The following DERL2 variants were observed in gnomAD, a reference collection of about 807,000 sequenced individuals.
DERL2 encodes derlin 2, also known as derlin-2.
Under a neutral mutation model 32.0 loss-of-function variants are expected in DERL2, and 13 were observed. The ratio of observed to expected loss-of-function variants is 0.41; its 90% confidence interval spans 0.26 to 0.65. The LOEUF (loss-of-function observed/expected upper bound fraction) is 0.65. DERL2 is among the 30% of genes least tolerant of loss of function. DERL2 has a pLI of 0.35. For missense variants in DERL2, 208 were observed against 296.3 expected, an observed-to-expected ratio of 0.70 and a Z score of 2.19; for synonymous variants, 111 against 104.7, an observed-to-expected ratio of 1.06 and a Z score of -0.37.
At chr17:5,479,025 G>T (rs567613084) in intron 6 of DERL2, among the ~76,000 whole-genome samples, 1 of 152,230 alleles carries the variant, frequency 6.6e-6, no homozygotes, top group Admixed American at 6.5e-5. Flanking sequence ...TTGCCATGTT[G>T]CCCAGGCTGG....
intron 3 of DERL2, chr17:5,482,241 G>A (rs1298894976): frequency 1.3e-5 from 2 of 152,642 alleles, no homozygotes; most frequent in African/African-American, 4.8e-5. Context: ...GAGTTGAACT[G>A]TAACTCCCTC....
chr17:5,474,857 G>T lies in DERL2; in HGVS notation c.615-68C>A. On this transcript the variant is annotated intron_variant, in intron 6 of 6. Coordinates refer to ENST00000158771, the MANE Select transcript of DERL2 (RefSeq NM_016041.5). The surrounding 1 kb of genome is among the most constrained non-coding windows in gnomAD (Gnocchi z 4.3). ...TCAGGTCCAAAGTACTACAAGGTCA[G>T]TTCAGGCCCCATAGGGTTTCCACCA... 1 of 1,236,084 alleles carries T rather than the reference G, an allele frequency of 8.1e-7. No homozygotes were observed. The highest frequency in any genetic ancestry group is 1.2e-6 in the Non-Finnish European group (1 of 861,820). 76.6% of individuals were successfully genotyped at this position (1,236,084 alleles called of 1,614,324 possible). A position where few individuals can be genotyped will look rare whatever the true frequency, so the allele number is the denominator to read the frequency against.
Position 5,483,775 on chromosome 17 carries a change from A to G in DERL2, c.160-893T>C, listed in dbSNP as rs576826617. On this transcript the variant is annotated intron_variant, in intron 2 of 6. Coordinates refer to ENST00000158771, the MANE Select transcript of DERL2 (RefSeq NM_016041.5). ...CTAGAACTCCTAACTCCAAATGCAC[A>G]GTGTCATCAAGAGTTTAACCCCAGG... Among the ~76,000 whole-genome samples, 5 of 152,352 alleles carry G rather than the reference A, an allele frequency of 3.3e-5. No homozygotes were observed. The South Asian group carries it at 8.3e-4, about 25-fold the overall frequency.
upstream of DERL2, chr17:5,486,331 G>T: frequency 2.3e-6 from 1 of 431,544 alleles, no homozygotes; most frequent in Non-Finnish European, 4.1e-6. Context: ...ACGCACATCC[G>T]CCAATCACGA....
rs1440524332 is a variant in DERL2, at chr17:5,472,170, A to G, written c.*2514T>C. On this transcript the variant is annotated 3_prime_UTR_variant, in exon 7 of 7. Transcript: ENST00000158771. ...CGTATACCGTATTTCCATAACAAAC[A>G]AAAAACACTATGCTTTAGTCAAGTG... 4 of 152,250 alleles carry G rather than the reference A, an allele frequency of 2.6e-5. No homozygotes were observed. The highest frequency in any genetic ancestry group is 2.0e-4 in the Admixed American group (3 of 15,282). The allele number at this position is 152,250 out of a possible 1,614,324, so 9.4% of individuals were successfully genotyped here. A position where few individuals can be genotyped will look rare whatever the true frequency, so the allele number is the denominator to read the frequency against.
chr17:5,486,029 C>A, intron 1 of DERL2, 40 bp downstream of exon 1: 1 of 1,585,070 alleles, frequency 6.3e-7, no homozygotes, highest in Non-Finnish European at 8.6e-7. Context: ...CCAGTCATAT[C>A]CAGCCCAGAT....
Position 5,485,192 on chromosome 17 carries a change from G to T in DERL2, c.118C>A (p.Gln40Lys), listed in dbSNP as rs777170101. 1 of 1,597,222 alleles carries T rather than the reference G, an allele frequency of 6.3e-7. No individual in the cohort carries two copies. Among genetic ancestry groups the T allele is most frequent in the South Asian group, 1.1e-5 (1 of 87,494 alleles). ...ATTAATTCAGGATTGAAGTACAACT[G>T]AAAAGGTGTGATCAATTCCAACTGC... ...AVQLELITPF[Q>K]LYFNPELIFK... is the part of the protein sequence containing the mutation. The change falls in exon 2 of 7, where the codon CAG (glutamine) becomes AAG (lysine). Residue 40 changes from glutamine to lysine, a missense_variant. This residue lies in a region of DERL2 where 124 missense variants were observed against 215.3 expected (regional missense o/e 0.58). Coordinates refer to ENST00000158771, the MANE Select transcript of DERL2 (RefSeq NM_016041.5).
intron 2 of DERL2, among the ~76,000 whole-genome samples, chr17:5,483,383 G>A (rs963221812): frequency 2.7e-5 from 4 of 148,588 alleles, no homozygotes; most frequent in Non-Finnish European, 5.9e-5. Context: ...TTCTCACTAT[G>A]TTGTCCAGGC....
intron 3 of DERL2, 57 bp downstream of exon 3, chr17:5,482,752 T>C: frequency 9.8e-7 from 1 of 1,017,634 alleles, no homozygotes; most frequent in Non-Finnish European, 1.5e-6. Flanking sequence ...AGTTTCAACT[T>C]AATTTTTTAC....
chr17:5,480,681 G>T, intron 4 of DERL2, 99 bp from the exon 5 acceptor site: 1 of 1,087,906 alleles, frequency 9.2e-7, no homozygotes, highest in South Asian at 2.4e-5. Context: ...GTTTGAATTG[G>T]AAAAGTCAAG....
chr17:5,476,853 G>A (rs1905420543), intron 6 of DERL2, among the ~76,000 whole-genome samples: 1 of 152,136 alleles, frequency 6.6e-6, no homozygotes, highest in Non-Finnish European at 1.5e-5. Context: ...GATGGGGGTG[G>A]GGGCACAGCC....
chr17:5,482,981 G>C lies in DERL2; in HGVS notation c.160-99C>G. 4 of 642,228 alleles carry C rather than the reference G, an allele frequency of 6.2e-6. No homozygotes were observed. The South Asian group carries it at 7.8e-5, about 13-fold the overall frequency. The allele number at this position is 642,228 out of a possible 1,614,324, so 39.8% of individuals were successfully genotyped here. On this transcript the variant is annotated intron_variant, in intron 2 of 6. Transcript: ENST00000158771. ...AAAGAAACATCCTATGACTGCGGTG[G>C]TTGAGAAGCCTTGGACAGAGTGATA...
In DERL2 at chr17:5,481,579, C is replaced by A. The variant is rs1905785143; in HGVS notation, c.234-190G>T. Among the ~76,000 whole-genome samples, 1 of 152,008 alleles carries A rather than the reference C, an allele frequency of 6.6e-6. No homozygotes were observed. Among genetic ancestry groups the A allele is most frequent in the African/African-American group, 2.4e-5 (1 of 41,382 alleles). On this transcript the variant is annotated intron_variant, in intron 3 of 6. Coordinates refer to ENST00000158771, the MANE Select transcript of DERL2 (RefSeq NM_016041.5). The surrounding 1 kb of genome is among the most constrained non-coding windows in gnomAD (Gnocchi z 4.4). Reference sequence around the variant, plus strand: ...TTTGAGAAAAGGTCAAGACCAGCATCATTTTTTACAAACTGTCCCTGGCTG... The same window carrying A: ...TTTGAGAAAAGGTCAAGACCAGCATAATTTTTTACAAACTGTCCCTGGCTG...
rs1320689269 is a variant in DERL2, at chr17:5,473,146, A to T, written c.*1538T>A. 2 of 152,236 alleles carry T rather than the reference A, an allele frequency of 1.3e-5. No homozygotes were observed. Among genetic ancestry groups the T allele is most frequent in the Non-Finnish European group, 2.9e-5 (2 of 68,040 alleles). 9.4% of individuals were successfully genotyped at this position (152,236 alleles called of 1,614,324 possible). Reference sequence around the variant, plus strand: ...CTGAGGACAATGTCACATTCTGGAAAGCTACCCCTTAACAAAGGTTGAATG... The same window carrying T: ...CTGAGGACAATGTCACATTCTGGAATGCTACCCCTTAACAAAGGTTGAATG... On this transcript the variant is annotated 3_prime_UTR_variant, in exon 7 of 7. Coordinates refer to ENST00000158771, the MANE Select transcript of DERL2 (RefSeq NM_016041.5).
At chr17:5,484,640 T>C (rs982476827) in intron 2 of DERL2, among the ~76,000 whole-genome samples, 1 of 152,274 alleles carries the variant, frequency 6.6e-6, no homozygotes, top group African/African-American at 2.4e-5. Flanking sequence ...TTGGTTAGTA[T>C]GATCTGATCC....
chr17:5,474,529 T>C lies in DERL2; in HGVS notation c.*155A>G, dbSNP rs1661997448. The stretch of plus-strand genomic sequence containing the variant: ...CACTGGCAAACTGTTGGAAATGTCT[T>C]CTGGATTAGTCAGTGTACCATTTCA... On this transcript the variant is annotated 3_prime_UTR_variant, in exon 7 of 7. Coordinates refer to ENST00000158771, the MANE Select transcript of DERL2 (RefSeq NM_016041.5). This position sits in a 1 kb window ranked among gnomAD's most constrained non-coding sequence, Gnocchi z 4.3. 1 of 566,770 alleles carries C rather than the reference T, an allele frequency of 1.8e-6. No homozygotes were observed. Among genetic ancestry groups the C allele is most frequent in the Admixed American group, 3.5e-5 (1 of 28,922 alleles). 35.1% of individuals were successfully genotyped at this position (566,770 alleles called of 1,614,324 possible).
At chr17:5,486,342 G>A (rs908441605), upstream of DERL2, 4 of 425,632 alleles carry the variant, frequency 9.4e-6, no homozygotes, top group Admixed American at 1.2e-4. Flanking sequence ...CCAATCACGA[G>A]TTGCGTCGCC....
At position 5,481,645 on chromosome 17, in the gene DERL2, CTAT is replaced by C. The variant is rs1905789725; in HGVS notation, c.234-259_234-257del. On this transcript the variant is annotated intron_variant, in intron 3 of 6. Coordinates refer to ENST00000158771, the MANE Select transcript of DERL2 (RefSeq NM_016041.5). This position sits in a 1 kb window ranked among gnomAD's most constrained non-coding sequence, Gnocchi z 4.4. ...GACACACAGACATGCTTTCAGTCCC[CTAT>C]TCTTTTTTTTTTTTCTTTTGAGACA... is the stretch of plus-strand genomic sequence containing the variant. 6.6e-6 allele frequency among the ~76,000 whole-genome samples: 1 copy of C among 151,668 alleles called. No homozygotes were observed. Among genetic ancestry groups the C allele is most frequent in the Non-Finnish European group, 1.5e-5 (1 of 67,938 alleles).
chr17:5,481,626 C>T lies in DERL2; in HGVS notation c.234-237G>A, dbSNP rs1905788018. Among the ~76,000 whole-genome samples the T allele has an allele frequency of 6.6e-6, 1 of 151,940 alleles. No individual in the cohort carries two copies. Among genetic ancestry groups the T allele is most frequent in the African/African-American group, 2.4e-5 (1 of 41,372 alleles). ...GCTGGGAACTAATCCAGATGACACA[C>T]AGACATGCTTTCAGTCCCCTATTCT... On this transcript the variant is annotated intron_variant, in intron 3 of 6. Coordinates refer to ENST00000158771, the MANE Select transcript of DERL2 (RefSeq NM_016041.5). This position sits in a 1 kb window ranked among gnomAD's most constrained non-coding sequence, Gnocchi z 4.4.
Sources: gnomAD v4.1 joint callset for allele counts (sites outside exome capture counted in the v4.1 genomes callset) on GRCh38, gnomAD v4.1.1 for gene constraint, gnomAD v4.1.1 regional missense constraint, Gnocchi (gnomAD v3.1) non-coding constraint, MANE v1.5 for transcripts, NCBI Gene and HGNC (gene_info 2026-07-23, HGNC 2026-07-21) for gene names.